NFXL1: variants seen among roughly 807,000 people sequenced by gnomAD.
The protein encoded by NFXL1 is nuclear transcription factor, X-box binding like 1.
In NFXL1, 66 loss-of-function variants were observed where a neutral mutation model predicts 123.3. The ratio of observed to expected loss-of-function variants is 0.54; its 90% CI spans 0.44 to 0.66. NFXL1 has a LOEUF of 0.66. Among genes scored for constraint, NFXL1 ranks in the 30% least tolerant of loss-of-function variants. The pLI is 0.00. For missense variants in NFXL1, 944 were observed against 1,125.6 expected (o/e 0.84, Z 2.31); for synonymous variants, 346 against 360.8 (o/e 0.96, Z 0.46).
chr4:47,910,906 T>C lies in NFXL1; in HGVS notation c.324A>G (p.Ser108=), dbSNP rs776642747. 4.4e-6 allele frequency: 7 copies of C among 1,604,642 alleles called. No individual in the cohort carries two copies. The highest frequency in any genetic ancestry group is 1.7e-4 in the Middle Eastern group (1 of 5,844). Residue 108 remains serine (S), a synonymous_variant, in exon 3 of 23, where the codon TCA becomes TCG. Transcript: ENST00000507489. ...CAAAATCTTCATCTCCTTCTTCAGA[T>C]GAAGAGCTAAACTGTTCTTCAACAA... ...RKLVEEQFSS[S]SEEGDEDFEG... is the part of the protein sequence containing the mutation.
Position 47,879,107 on chromosome 4 carries a change from C to A in NFXL1, c.1927G>T (p.Gly643Trp). The A allele has an allele frequency of 7.3e-7, 1 of 1,370,666 alleles. No homozygotes were observed. The highest frequency in any genetic ancestry group is 9.8e-7 in the Non-Finnish European group (1 of 1,018,910). 84.9% of individuals were successfully genotyped at this position (1,370,666 alleles called of 1,614,324 possible). ...TGCCTGTAACTTACCTCATGTTTCC[C>A]AAGACATTCCCTACAAGGAAAAAAT... ...CQVPIPMECL[G>W]KHEVSPLPCH... Residue 643 changes from glycine to tryptophan, a missense_variant, in exon 16 of 23, where the codon GGG becomes TGG. By Grantham distance (184) the Gly-to-Trp change is radical (BLOSUM62 -2). Transcript: ENST00000507489.
chr4:47,910,236 A>G (rs6823572), intron 3 of NFXL1, among the ~76,000 whole-genome samples: 125,636 of 152,056 alleles, frequency 0.83, 52,127 homozygotes, highest in East Asian at 0.98. Context: ...TCAGCTACTC[A>G]GGAAGCTGAG....
At chr4:47,891,199 C>T (rs1736752153) in intron 11 of NFXL1, among the ~76,000 whole-genome samples, 1 of 151,124 alleles carries the variant, frequency 6.6e-6, no homozygotes, top group African/African-American at 2.4e-5. Flanking sequence ...GCAACCTCCA[C>T]CTCCCAGGCT....
rs1735891847 is a variant in NFXL1 at position 47,878,573 on chromosome 4, T to C, written c.2031A>G (p.Lys677=). 6.2e-7 allele frequency: 1 copy of C among 1,607,538 alleles called. No homozygotes were observed. Among genetic ancestry groups the C allele is most frequent in the Non-Finnish European group, 8.5e-7 (1 of 1,176,904 alleles). Residue 677 remains lysine (K), a synonymous_variant, in exon 17 of 23, where the codon AAA becomes AAG. Transcript: ENST00000507489. The part of the protein sequence containing the change: ...ILDCQNHTCM[K]ECHKVTKTDG... ...CAGTTTTGGTTACTTTGTGGCATTC[T>C]TTCATACATGTGTGATTCTGACAAT...
chr4:47,899,164 A>G, intron 6 of NFXL1, 44 bp from the exon 7 acceptor site: 3 of 1,482,212 alleles, frequency 2.0e-6, no homozygotes, highest in African/African-American at 1.4e-5. Context: ...AAAAAAATCT[A>G]AAGTCAGAAA....
chr4:47,869,653 C>T (rs1735310603), intron 18 of NFXL1, among the ~76,000 whole-genome samples: 2 of 151,860 alleles, frequency 1.3e-5, no homozygotes, highest in Non-Finnish European at 2.9e-5. Context: ...AAAATGAAAG[C>T]ATGAAAATAA....
intron 3 of NFXL1, among the ~76,000 whole-genome samples, chr4:47,907,627 T>C (rs955918860): frequency 3.3e-5 from 5 of 152,190 alleles, no homozygotes; most frequent in African/African-American, 7.2e-5. Context: ...TTTTCTTACA[T>C]TGGTAGAGGC....
chr4:47,890,092 A>G (rs940428490), intron 12 of NFXL1, among the ~76,000 whole-genome samples: 1 of 152,114 alleles, frequency 6.6e-6, no homozygotes, highest in African/African-American at 2.4e-5. Context: ...TTCAAATACA[A>G]TAAATGTCAA....
rs1577980667 is a variant in NFXL1 at position 47,852,134 on chromosome 4, TAAAA to T, written c.2422-196_2422-193del. 1.1e-5 allele frequency: 5 copies of T among 457,068 alleles called. No individual in the cohort carries two copies. The East Asian group carries it at 1.4e-4, about 13-fold the overall frequency. The allele number at this position is 457,068 out of a possible 1,614,324, so 28.3% of individuals were successfully genotyped here. ...ATTACTTGCTTATTTTCTCTTAACT[TAAAA>T]AAGAGAATACCATAAAATTTTTAAA... is the stretch of plus-strand genomic sequence containing the variant. On this transcript the variant is annotated intron_variant, in intron 20 of 22. Transcript: ENST00000507489.
At chr4:47,911,874 G>C (rs1016981427) in intron 2 of NFXL1, among the ~76,000 whole-genome samples, 26 of 152,158 alleles carry the variant, frequency 1.7e-4, no homozygotes, top group Non-Finnish European at 3.1e-4. Context: ...AGCAAACATA[G>C]TTTAAGAAAG....
rs541901709 is a variant in NFXL1, at chr4:47,881,873, G to A, written c.1916+2473C>T. Among the ~76,000 whole-genome samples the A allele has an allele frequency of 5.9e-5, 9 of 152,278 alleles. No homozygotes were observed. In the South Asian group the frequency reaches 1.9e-3, roughly 32 times the overall value. On this transcript the variant is annotated intron_variant, in intron 15 of 22. Transcript: ENST00000507489. The stretch of plus-strand genomic sequence containing the variant: ...AAAGATACATGGTTGCTAGGAGTTT[G>A]AGACGGGGAGGGGAAAAGAAGGTTG...
At chr4:47,856,288 T>A (rs550060962) in intron 19 of NFXL1, among the ~76,000 whole-genome samples, 1 of 152,138 alleles carries the variant, frequency 6.6e-6, no homozygotes, top group Admixed American at 6.6e-5. Flanking sequence ...TTAAATGAGT[T>A]CAGTATATTT....
At chr4:47,912,103 T>C (rs1243484607) in intron 2 of NFXL1, among the ~76,000 whole-genome samples, 2 of 152,176 alleles carry the variant, frequency 1.3e-5, no homozygotes, top group African/African-American at 2.4e-5. Flanking sequence ...TTAGGGGTTA[T>C]TAACAAAACA....
At chr4:47,896,229 T>C (rs1368282549) in intron 10 of NFXL1, among the ~76,000 whole-genome samples, 2 of 152,180 alleles carry the variant, frequency 1.3e-5, no homozygotes, top group African/African-American at 4.8e-5. Flanking sequence ...GACAGATACA[T>C]GAGCACATAC....
chr4:47,851,914 T>C lies in NFXL1; in HGVS notation c.2450A>G (p.Asn817Ser). The change falls in exon 21 of 23, where the codon AAT (asparagine) becomes AGT (serine). Residue 817 changes from asparagine (N) to serine (S), a missense_variant. Asn to Ser is a conservative substitution (Grantham distance 46). Transcript: ENST00000507489. The stretch of plus-strand genomic sequence containing the variant: ...TGTGTCACATTCTATTGAAACCTGA[T>C]TTTCACGTACTTTGTTGCACTGCAA... ...KELQCNKVRENQVSIECDTTC... is the reference protein window; with the variant it reads ...KELQCNKVRESQVSIECDTTC... 6.2e-7 allele frequency: 1 copy of C among 1,611,810 alleles called. No homozygotes were observed. Among genetic ancestry groups the C allele is most frequent in the South Asian group, 1.1e-5 (1 of 90,964 alleles).
chr4:47,910,557 A>G (rs1415228089), intron 3 of NFXL1, among the ~76,000 whole-genome samples: 1 of 152,166 alleles, frequency 6.6e-6, no homozygotes, highest in African/African-American at 2.4e-5. Flanking sequence ...AGCCCCATCC[A>G]AGCATTCTAC....
At chr4:47,887,397 C>G (rs180700197) in intron 12 of NFXL1, among the ~76,000 whole-genome samples, 2 of 152,054 alleles carry the variant, frequency 1.3e-5, no homozygotes, top group Admixed American at 6.6e-5. Context: ...CTAAAACAAA[C>G]ACAAATTAAG....
chr4:47,900,606 C>G (rs1427285693), intron 5 of NFXL1, among the ~76,000 whole-genome samples: 1 of 152,156 alleles, frequency 6.6e-6, no homozygotes, highest in Non-Finnish European at 1.5e-5. Context: ...TAAGTGTTGG[C>G]AGTAGAAGTG....
intron 22 of NFXL1, among the ~76,000 whole-genome samples, chr4:47,849,965 T>C (rs1413958195): frequency 6.6e-6 from 1 of 152,050 alleles, no homozygotes; most frequent in East Asian, 1.9e-4. Context: ...TTTTTTTTTT[T>C]TTACTTGTTT....
Sources: gnomAD v4.1 joint callset for allele counts (sites outside exome capture counted in the v4.1 genomes callset) on GRCh38, gnomAD v4.1.1 for gene constraint, MANE v1.5 for transcripts, NCBI Gene and HGNC (gene_info 2026-07-23, HGNC 2026-07-21) for gene names.